PARP15: variants seen among roughly 807,000 people sequenced by gnomAD.
PARP15 encodes poly(ADP-ribose) polymerase family member 15.
Under a neutral mutation model 62.1 loss-of-function variants are expected in PARP15, and 50 were observed. That is an observed-to-expected ratio of 0.81 (90% confidence interval 0.64 to 1.02). The LOEUF is 1.02. Among genes scored for constraint, PARP15 ranks in the 50% least tolerant of loss-of-function variants. The pLI is 0.00. For missense variants in PARP15, 820 were observed against 826.5 expected (o/e 0.99, Z 0.10); for synonymous variants, 309 against 293.1 (o/e 1.05, Z -0.55).
rs112470875 is a variant in PARP15 at position 122,621,326 on chromosome 3, G to A, written c.1064-118G>A. The stretch of plus-strand genomic sequence containing the variant: ...TCCAGTGAATGAAACCAACAAGCTC[G>A]AGTGAGACTGGGCTTCACAGCCTTC... On this transcript the variant is annotated intron_variant, in intron 7 of 11. Coordinates refer to ENST00000464300, the MANE Select transcript of PARP15 (RefSeq NM_001113523.3). 490 of 1,092,728 alleles carry A rather than the reference G, an allele frequency of 4.5e-4. 1 individual carries two copies. In the African/African-American group the frequency reaches 6.4e-3, roughly 14 times the overall value. The allele number at this position is 1,092,728 out of a possible 1,614,324, so 67.7% of individuals were successfully genotyped here.
intron 3 of PARP15, among the ~76,000 whole-genome samples, chr3:122,611,428 T>G (rs114412565): frequency 0.015 from 2,341 of 151,944 alleles, 59 homozygotes; most frequent in African/African-American, 0.051. Flanking sequence ...CCTCTCTGCC[T>G]CCCGGGTTCA....
rs568502785 is a variant in PARP15, at chr3:122,617,749, G to A, written c.1000+585G>A. 5.9e-5 allele frequency among the ~76,000 whole-genome samples: 9 copies of A among 152,074 alleles called. No individual in the cohort carries two copies. In the South Asian group the frequency reaches 1.7e-3, roughly 28 times the overall value. ...CACTCAACCTTTTTGGGTTTTTTGA[G>A]GCGGAGTCTCACTCTGTCGCCCAGG... On this transcript the variant is annotated intron_variant, in intron 6 of 11. Coordinates refer to ENST00000464300, the MANE Select transcript of PARP15 (RefSeq NM_001113523.3).
intron 4 of PARP15, 103 bp downstream of exon 4, chr3:122,613,371 T>A: frequency 3.9e-6 from 4 of 1,014,294 alleles, no homozygotes; most frequent in Non-Finnish European, 4.4e-6. Flanking sequence ...ATCCTGTGCC[T>A]ATAAGTGATG....
chr3:122,590,120 T>A (rs1166448748), intron 1 of PARP15, among the ~76,000 whole-genome samples: 1 of 151,896 alleles, frequency 6.6e-6, no homozygotes, highest in Non-Finnish European at 1.5e-5. Context: ...TTTCCTGACC[T>A]CATGATCCAC....
Position 122,610,737 on chromosome 3 carries a change from A to T in PARP15, c.543+7A>T, listed in dbSNP as rs1285494161. On this transcript the variant is annotated splice_region_variant and intron_variant, in intron 3 of 11. Coordinates refer to ENST00000464300, the MANE Select transcript of PARP15 (RefSeq NM_001113523.3). ...AGCAGAGACTTCTTGGCAGGTAGGG[A>T]ACGCTCTTAGTTCTCCAACGTATTG... The T allele has an allele frequency of 2.7e-6, 4 of 1,501,972 alleles. No individual in the cohort carries two copies. The highest frequency in any genetic ancestry group is 3.6e-6 in the Non-Finnish European group (4 of 1,123,870). The allele number at this position is 1,501,972 out of a possible 1,614,324, so 93.0% of individuals were successfully genotyped here.
intron 4 of PARP15, 147 bp downstream of exon 4, chr3:122,613,415 A>G (rs1935717016): frequency 5.8e-6 from 4 of 685,138 alleles, no homozygotes; most frequent in African/African-American, 3.6e-5. Context: ...TGACTTAACT[A>G]TGAGCCAACA....
chr3:122,625,098 T>C (rs1056911519), intron 8 of PARP15, among the ~76,000 whole-genome samples: 1 of 152,154 alleles, frequency 6.6e-6, no homozygotes, highest in Admixed American at 6.5e-5. Context: ...TATTACCTTC[T>C]ATTATTACCC....
rs1476406359 is a variant in PARP15, at chr3:122,610,544, AC to A, written c.359del (p.Pro120HisfsTer18). 1 of 1,551,684 alleles carries A rather than the reference AC, an allele frequency of 6.4e-7. No homozygotes were observed. On this transcript the variant is annotated frameshift_variant, in exon 3 of 12. Transcript: ENST00000464300. LOFTEE classifies it high-confidence loss of function. ...VPMNLQLGGGPLSRAFLQKAG... is the reference protein window; with the variant it reads ...VPMNLQLGGGXLSRAFLQKAG... ...CCATGAATCTTCAGCTTGGAGGAGG[AC>A]CACTATCTCGGGCATTTTTGCAGAA...
At position 122,635,054 on chromosome 3, in the gene PARP15, G is replaced by A. The variant is rs756878221; in HGVS notation, c.1607G>A (p.Ser536Asn). The A allele has an allele frequency of 6.2e-7, 1 of 1,613,990 alleles. No individual in the cohort carries two copies. ...ATACAGAATGCATTTCTCTGGCAGA[G>A]CTACCAGGTAAAGAAAAGGCAAATG... Reference protein sequence around the residue: ...ERIQNAFLWQSYQVKKRQMDI... With the variant: ...ERIQNAFLWQNYQVKKRQMDI... The change falls in exon 11 of 12, where the codon AGC (serine) becomes AAC (asparagine). Residue 536 changes from serine (S) to asparagine (N), a missense_variant. Transcript: ENST00000464300.
At chr3:122,617,599 C>T (rs1410640162) in intron 6 of PARP15, among the ~76,000 whole-genome samples, 4 of 152,240 alleles carry the variant, frequency 2.6e-5, no homozygotes, top group African/African-American at 7.2e-5. Context: ...CTGCATTACA[C>T]TGACCGAGAA....
chr3:122,615,273 T>C (rs569553446), intron 4 of PARP15: 16 of 1,288,552 alleles, frequency 1.2e-5, no homozygotes, highest in Non-Finnish European at 1.6e-5. Context: ...TGGATTTTCG[T>C]GTTTTCATTC....
intron 3 of PARP15, among the ~76,000 whole-genome samples, chr3:122,612,756 A>G (rs980634527): frequency 1.1e-4 from 16 of 152,006 alleles, no homozygotes; most frequent in Non-Finnish European, 1.0e-4. Flanking sequence ...CTTAACATAA[A>G]TACTGCATGT....
Position 122,584,573 on chromosome 3 carries a change from C to CTTTTTTTTTTTTTT in PARP15, c.186+6720_186+6721insTTTTTTTTTTTTTT, listed in dbSNP as rs377394521. On this transcript the variant is annotated intron_variant, in intron 1 of 11. Coordinates refer to ENST00000464300, the MANE Select transcript of PARP15 (RefSeq NM_001113523.3). ...TAAGGAAATATTCATCCATTTCTTT[C>CTTTTTTTTTTTTTT]CTTTTTTTTTTTTTTCCGAGATGGA... 5.1e-5 allele frequency among the ~76,000 whole-genome samples: 7 copies of CTTTTTTTTTTTTTT among 136,932 alleles called. 2 individuals are homozygous for CTTTTTTTTTTTTTT. The highest frequency in any genetic ancestry group is 1.1e-4 in the African/African-American group (4 of 35,912). The allele number at this position is 136,932 out of a possible 152,430, so 89.8% of individuals were successfully genotyped here.
At chr3:122,589,776 C>T (rs765505512) in intron 1 of PARP15, among the ~76,000 whole-genome samples, 1 of 151,428 alleles carries the variant, frequency 6.6e-6, no homozygotes. Context: ...AGGTACAAGT[C>T]TTATTGGCTA....
At chr3:122,625,854 A>G (rs1038560853) in intron 8 of PARP15, among the ~76,000 whole-genome samples, 1 of 152,180 alleles carries the variant, frequency 6.6e-6, no homozygotes, top group Non-Finnish European at 1.5e-5. Flanking sequence ...CTTACCCAAG[A>G]TCAGACAGCT....
At chr3:122,604,060 C>T (rs1404978772) in intron 1 of PARP15, among the ~76,000 whole-genome samples, 2 of 152,170 alleles carry the variant, frequency 1.3e-5, no homozygotes, top group African/African-American at 4.8e-5. Context: ...AGAGGGATAA[C>T]ATGTACTATA....
intron 8 of PARP15, among the ~76,000 whole-genome samples, chr3:122,626,348 G>A (rs1367742208): frequency 6.6e-6 from 1 of 151,932 alleles, no homozygotes; most frequent in Non-Finnish European, 1.5e-5. Flanking sequence ...ACAGGTGCCC[G>A]CCACAACGCC....
chr3:122,619,742 T>C, intron 6 of PARP15, 39 bp from the exon 7 acceptor site: 1 of 1,513,120 alleles, frequency 6.6e-7, no homozygotes, highest in Non-Finnish European at 9.2e-7. Flanking sequence ...CTTATTGAAT[T>C]CTAACTGATG....
chr3:122,621,444 C>T lies in PARP15; in HGVS notation c.1064C>T (p.Ala355Val). 6.3e-7 allele frequency: 1 copy of T among 1,594,264 alleles called. No homozygotes were observed. Among genetic ancestry groups the T allele is most frequent in the South Asian group, 1.1e-5 (1 of 87,352 alleles). The change falls in exon 8 of 12, where the codon GCT becomes GTT. Residue 355 changes from alanine (A) to valine (V), a missense_variant and splice_region_variant. By Grantham distance (64) the Ala-to-Val change is moderately conservative (BLOSUM62 0). Coordinates refer to ENST00000464300, the MANE Select transcript of PARP15 (RefSeq NM_001113523.3). ...TTTGTTTTTCTTTCCTTTTTTTCAGCTGCACAGCCTCACAGAGATTTTATA... is the reference window on the plus strand; with the variant it reads ...TTTGTTTTTCTTTCCTTTTTTTCAGTTGCACAGCCTCACAGAGATTTTATA... ...QAVESECAVL[A>V]AQPHRDFIIT...
Sources: allele counts gnomAD v4.1 joint callset (sites outside exome capture counted in the v4.1 genomes callset), GRCh38; gene constraint gnomAD v4.1.1; transcripts MANE v1.5; gene names NCBI Gene and HGNC (gene_info 2026-07-23, HGNC 2026-07-21).